SNX16: variants seen among roughly 807,000 people sequenced by gnomAD.
The protein encoded by SNX16 is sorting nexin-16.
In SNX16, 35 loss-of-function variants were observed where a neutral mutation model predicts 36.7. The ratio of observed to expected loss-of-function variants is 0.95; its 90% CI spans 0.73 to 1.27. The LOEUF is 1.27. Among genes scored for constraint, SNX16 ranks in the 50% most tolerant of loss-of-function variants. The pLI is 0.00. For missense variants in SNX16, 367 were observed against 393.6 expected (o/e 0.93, Z 0.57); for synonymous variants, 134 against 132.0 (o/e 1.02, Z -0.10).
At chr8:81,829,132 TG>T (rs1811136683) in intron 3 of SNX16, among the ~76,000 whole-genome samples, 1 of 152,170 alleles carries the variant, frequency 6.6e-6, no homozygotes, top group South Asian at 2.1e-4. Flanking sequence ...TAATACAATA[TG>T]TTAAATATGT....
At chr8:81,831,330 C>T (rs1811257335) in intron 2 of SNX16, among the ~76,000 whole-genome samples, 1 of 152,182 alleles carries the variant, frequency 6.6e-6, no homozygotes, top group African/African-American at 2.4e-5. Flanking sequence ...AGACAACCTA[C>T]AGAATGGGAG....
At position 81,840,015 on chromosome 8, in the gene SNX16, A is replaced by C. The variant is rs754790006; in HGVS notation, c.-29T>G. On this transcript the variant is annotated 5_prime_UTR_variant, in exon 2 of 8. Coordinates refer to ENST00000345957, the MANE Select transcript of SNX16 (RefSeq NM_152836.3). ...CTTTTGGCTTTTCCAACAAGCTTGC[A>C]CACTGTTGAGTCCACTTAGAGAACA... 6 of 1,559,654 alleles carry C rather than the reference A, an allele frequency of 3.8e-6. No homozygotes were observed. In the East Asian group the frequency reaches 1.1e-4, roughly 29 times the overall value.
In SNX16 at chr8:81,801,377, A is replaced by G; in HGVS notation, c.*120T>C. ...AAAAACTTCTTTATGTAAACTTTAT[A>G]CATGTGCATTCTTGCTCTTTTCTAT... On this transcript the variant is annotated 3_prime_UTR_variant, in exon 8 of 8. Transcript: ENST00000345957. 2.0e-6 allele frequency: 1 copy of G among 510,134 alleles called. No individual in the cohort carries two copies. The highest frequency in any genetic ancestry group is 3.3e-6 in the Non-Finnish European group (1 of 298,596). The allele number at this position is 510,134 out of a possible 1,614,324, so 31.6% of individuals were successfully genotyped here. A position where few individuals can be genotyped will look rare whatever the true frequency, so the allele number is the denominator to read the frequency against.
rs574520735 is a variant in SNX16 at position 81,805,155 on chromosome 8, C to T, written c.682-1927G>A. Among the ~76,000 whole-genome samples, 5 of 151,820 alleles carry T rather than the reference C, an allele frequency of 3.3e-5. No homozygotes were observed. The South Asian group carries it at 1.0e-3, about 31-fold the overall frequency. The stretch of plus-strand genomic sequence containing the variant: ...CCCAAAGACTGCAGAACACTGTCAA[C>T]AATAACCAAGAATTGGTGTCAGACA... On this transcript the variant is annotated intron_variant, in intron 5 of 7. Transcript: ENST00000345957.
At chr8:81,828,160 T>C (rs986767744) in intron 3 of SNX16, among the ~76,000 whole-genome samples, 5 of 152,128 alleles carry the variant, frequency 3.3e-5, no homozygotes, top group African/African-American at 1.2e-4. Context: ...CAAAACAATA[T>C]ACAAAACACT....
chr8:81,813,502 A>T (rs1003880112), intron 5 of SNX16, among the ~76,000 whole-genome samples: 2 of 150,020 alleles, frequency 1.3e-5, no homozygotes, highest in Non-Finnish European at 3.0e-5. Context: ...TATATATGAG[A>T]AAATATTTGT....
chr8:81,831,122 G>C lies in SNX16; in HGVS notation c.376-1606C>G, dbSNP rs142446073. The stretch of plus-strand genomic sequence containing the variant: ...TATATACAAAAATTAACTCAAGATG[G>C]ATTAAAGATTTAAAGGTAAGGCCAC... On this transcript the variant is annotated intron_variant, in intron 2 of 7. Coordinates refer to ENST00000345957, the MANE Select transcript of SNX16 (RefSeq NM_152836.3). 2.9e-3 allele frequency among the ~76,000 whole-genome samples: 449 copies of C among 152,246 alleles called. 2 individuals carry two copies. The highest frequency in any genetic ancestry group is 0.01 in the African/African-American group (434 of 41,538).
In SNX16 at chr8:81,804,959, A is replaced by G. The variant is rs962875191; in HGVS notation, c.682-1731T>C. On this transcript the variant is annotated intron_variant, in intron 5 of 7. Coordinates refer to ENST00000345957, the MANE Select transcript of SNX16 (RefSeq NM_152836.3). ...GGTAAATTTGACATAACTCTTGGCA[A>G]TTAACGGATTAAACAAAAAAATGAG... 4.6e-5 allele frequency among the ~76,000 whole-genome samples: 7 copies of G among 152,166 alleles called. No individual in the cohort carries two copies. In the South Asian group the frequency reaches 1.4e-3, roughly 31 times the overall value.
At position 81,802,508 on chromosome 8, in the gene SNX16, AT is replaced by A. The variant is rs1809748639; in HGVS notation, c.819-10del. 1 of 1,597,676 alleles carries A rather than the reference AT, an allele frequency of 6.3e-7. No individual in the cohort carries two copies. The stretch of plus-strand genomic sequence containing the variant: ...GTTCTAAAGACAATGTTCTAAAAGT[AT>A]GTTATAGCAACAAGTTATTTTCTAT... On this transcript the variant is annotated splice_polypyrimidine_tract_variant and intron_variant, in intron 6 of 7. Coordinates refer to ENST00000345957, the MANE Select transcript of SNX16 (RefSeq NM_152836.3).
chr8:81,815,558 C>A (rs976523824), intron 4 of SNX16, 164 bp from the exon 5 acceptor site: 1 of 487,092 alleles, frequency 2.1e-6, no homozygotes, highest in African/African-American at 1.9e-5. Context: ...ATGCAAAGAT[C>A]TTAAGGTGTT....
chr8:81,808,256 C>G (rs556398375), intron 5 of SNX16: 1 of 1,187,474 alleles, frequency 8.4e-7, no homozygotes, highest in African/African-American at 1.5e-5. Context: ...ATGGATAAGA[C>G]GGTCATTCAG....
At chr8:81,805,781 C>T (rs991284730) in intron 5 of SNX16, among the ~76,000 whole-genome samples, 2 of 151,876 alleles carry the variant, frequency 1.3e-5, no homozygotes, top group Admixed American at 6.6e-5. Flanking sequence ...ATTAGCTGGG[C>T]GTGGTGGCGA....
At chr8:81,815,514 C>T (rs1810442303) in intron 4 of SNX16, 120 bp from the exon 5 acceptor site, 4 of 602,228 alleles carry the variant, frequency 6.6e-6, no homozygotes, top group Non-Finnish European at 8.5e-6. Context: ...TGTTTTCATA[C>T]AAGTAACTAA....
chr8:81,806,797 G>C (rs574543455), intron 5 of SNX16, among the ~76,000 whole-genome samples: 2 of 151,958 alleles, frequency 1.3e-5, no homozygotes, highest in Non-Finnish European at 2.9e-5. Flanking sequence ...AAACTAACAA[G>C]AGAATGTGAC....
intron 6 of SNX16, 137 bp from the exon 7 acceptor site, chr8:81,802,636 T>G (rs1809756223): frequency 1.0e-5 from 6 of 585,130 alleles, no homozygotes; most frequent in Non-Finnish European, 1.4e-5. Flanking sequence ...ATAGCTCACT[T>G]TGGAAGTCAA....
intron 2 of SNX16, among the ~76,000 whole-genome samples, chr8:81,839,144 T>C (rs1811624242): frequency 6.6e-6 from 1 of 152,148 alleles, no homozygotes; most frequent in Admixed American, 6.5e-5. Flanking sequence ...ATGCTGCTTT[T>C]AGGAGTATAA....
At chr8:81,814,880 A>G (rs1365661118) in intron 5 of SNX16, 1 of 152,334 alleles carries the variant, frequency 6.6e-6, no homozygotes, top group Non-Finnish European at 1.5e-5. Flanking sequence ...TTAACACGTC[A>G]ATTAATGTAA....
rs899401974 is a variant in SNX16 at position 81,800,189 on chromosome 8, T to C, written c.*1308A>G. 1 of 151,904 alleles carries C rather than the reference T, an allele frequency of 6.6e-6. No homozygotes were observed. The highest frequency in any genetic ancestry group is 1.5e-5 in the Non-Finnish European group (1 of 67,774). 9.4% of individuals were successfully genotyped at this position (151,904 alleles called of 1,614,324 possible). A position where few individuals can be genotyped will look rare whatever the true frequency, so the allele number is the denominator to read the frequency against. ...TAAAGAAAAAAATGGAGATTGTTAT[T>C]CTATTTCCCCAGTAAGTTTCCCTCA... On this transcript the variant is annotated 3_prime_UTR_variant, in exon 8 of 8. Transcript: ENST00000345957.
chr8:81,808,223 T>A (rs547569836), intron 5 of SNX16: 1 of 1,304,944 alleles, frequency 7.7e-7, no homozygotes, highest in Admixed American at 1.7e-5. Flanking sequence ...TTTGCCTTTG[T>A]AACCTTTCAC....
Sources: gnomAD v4.1 joint callset for allele counts (sites outside exome capture counted in the v4.1 genomes callset) on GRCh38, gnomAD v4.1.1 for gene constraint, MANE v1.5 for transcripts, NCBI Gene and HGNC (gene_info 2026-07-23, HGNC 2026-07-21) for gene names.